Variants in ZNF654 observed in about 807,000 individuals in gnomAD.
The protein encoded by ZNF654 is melanoma-associated antigen.
In ZNF654, 19 loss-of-function variants were observed where a neutral mutation model predicts 95.3. The observed-to-expected ratio is 0.20, with a 90% CI of 0.14 to 0.29. ZNF654 has a LOEUF of 0.29. Among genes scored for constraint, ZNF654 ranks in the 10% least tolerant of loss-of-function variants. The probability of loss-of-function intolerance (pLI) is 1.00; values close to 1 mark genes in which losing one functional copy is unlikely to be tolerated. For synonymous variants in ZNF654, 413 were observed against 457.9 expected, an observed-to-expected ratio of 0.90 and a Z score of 1.25; for missense variants, 1,046 against 1,341.0, an observed-to-expected ratio of 0.78 and a Z score of 3.44.
At chr3:88,118,155 A>G (rs1018446668) in intron 3 of ZNF654, among the ~76,000 whole-genome samples, 8 of 152,276 alleles carry the variant, frequency 5.3e-5, no homozygotes, top group African/African-American at 1.4e-4. Context: ...AGAAAAGTCT[A>G]TCCTTATCCG....
At chr3:88,070,736 C>G (rs961462295) in intron 1 of ZNF654, among the ~76,000 whole-genome samples, 1 of 152,080 alleles carries the variant, frequency 6.6e-6, no homozygotes, top group African/African-American at 2.4e-5. Context: ...ATGTCAGTTC[C>G]TGTCCTAGAT....
chr3:88,086,480 A>T, intron 2 of ZNF654, 78 bp downstream of exon 2: 1 of 1,214,578 alleles, frequency 8.2e-7, no homozygotes, highest in Non-Finnish European at 1.1e-6. Flanking sequence ...ATTTCTTCTG[A>T]AGAAGAAACC....
At position 88,142,999 on chromosome 3, in the gene ZNF654, CA is replaced by C. The variant is rs1707201792; in HGVS notation, c.*1348del. On this transcript the variant is annotated 3_prime_UTR_variant, in exon 9 of 9. Transcript: ENST00000636215. Reference sequence around the variant, plus strand: ...TTACTAATAGTGTGTAAATCTAAAACAGGGATTAAAATAACAAAAAGGCAGT... The same window carrying C: ...TTACTAATAGTGTGTAAATCTAAAACGGGATTAAAATAACAAAAAGGCAGT... 6.6e-6 allele frequency: 1 copy of C among 152,176 alleles called. No individual in the cohort carries two copies. Among genetic ancestry groups the C allele is most frequent in the Admixed American group, 6.6e-5 (1 of 15,226 alleles). 9.4% of individuals were successfully genotyped at this position (152,176 alleles called of 1,614,324 possible). A position where few individuals can be genotyped will look rare whatever the true frequency, so the allele number is the denominator to read the frequency against.
At chr3:88,093,691 G>T (rs1703881723) in intron 2 of ZNF654, among the ~76,000 whole-genome samples, 1 of 152,162 alleles carries the variant, frequency 6.6e-6, no homozygotes, top group African/African-American at 2.4e-5. Flanking sequence ...TTGCTAAATT[G>T]TACTGTATTT....
rs145313788 is a variant in ZNF654, at chr3:88,121,033, A to G, written c.415-5101A>G. 6.6e-5 allele frequency among the ~76,000 whole-genome samples: 10 copies of G among 152,264 alleles called. No homozygotes were observed. In the East Asian group the frequency reaches 1.9e-3, roughly 29 times the overall value. On this transcript the variant is annotated intron_variant, in intron 3 of 8. Transcript: ENST00000636215. ...GGGTTGATAGGTGCAGAAAACCACCATGGTACGTGTATACCTATGTAACAA... is the reference window on the plus strand; with the variant it reads ...GGGTTGATAGGTGCAGAAAACCACCGTGGTACGTGTATACCTATGTAACAA...
chr3:88,063,284 C>G (rs1706991354), intron 1 of ZNF654, among the ~76,000 whole-genome samples: 1 of 152,056 alleles, frequency 6.6e-6, no homozygotes, highest in South Asian at 2.1e-4. Context: ...CTTTGGGACT[C>G]TTAGTGGGTA....
intron 5 of ZNF654, 76 bp from the exon 6 acceptor site, chr3:88,129,611 A>G: frequency 8.8e-7 from 1 of 1,130,326 alleles, no homozygotes; most frequent in Non-Finnish European, 1.2e-6. Flanking sequence ...TTTCTCTTGA[A>G]TGTTTAAACA....
In ZNF654 at chr3:88,139,264, C is replaced by G. The variant is rs765796630; in HGVS notation, c.1595C>G (p.Ala532Gly). The G allele has an allele frequency of 2.6e-6, 4 of 1,538,974 alleles. No individual in the cohort carries two copies. Among genetic ancestry groups the G allele is most frequent in the Non-Finnish European group, 3.5e-6 (4 of 1,149,720 alleles). The change falls in exon 8 of 9, where the codon GCT (alanine) becomes GGT (glycine). Residue 532 changes from alanine (A) to glycine (G), a missense_variant. Physicochemically the swap from Ala to Gly is moderately conservative, Grantham distance 60. Transcript: ENST00000636215. The part of the protein sequence containing the change: ...GHINTKKNLT[A>G]LSTSKVDHNV... Reference sequence around the variant, plus strand: ...ATTAATACGAAGAAAAATCTTACAGCTCTCAGTACTTCCAAAGTAGATCAC... The same window carrying G: ...ATTAATACGAAGAAAAATCTTACAGGTCTCAGTACTTCCAAAGTAGATCAC...
At chr3:88,126,796 G>T (rs943705819) in intron 4 of ZNF654, among the ~76,000 whole-genome samples, 2 of 152,124 alleles carry the variant, frequency 1.3e-5, no homozygotes, top group South Asian at 4.2e-4. Flanking sequence ...CATGATGAAT[G>T]TGTGAGTGAA....
chr3:88,141,526 C>G, intron 8 of ZNF654, 119 bp from the exon 9 acceptor site: 1 of 629,734 alleles, frequency 1.6e-6, no homozygotes, highest in Non-Finnish European at 2.4e-6. Flanking sequence ...AAGAGCTTGT[C>G]TGTCTACTAA....
chr3:88,124,772 G>GT (rs11287888), intron 3 of ZNF654, among the ~76,000 whole-genome samples: 43 of 147,138 alleles, frequency 2.9e-4, no homozygotes, highest in Middle Eastern at 3.5e-3. Context: ...ACAATACTCA[G>GT]TTTTTTTTTT....
At chr3:88,099,701 C>T (rs1452449813) in intron 2 of ZNF654, among the ~76,000 whole-genome samples, 5 of 152,090 alleles carry the variant, frequency 3.3e-5, no homozygotes, top group Non-Finnish European at 7.4e-5. Flanking sequence ...TTTGACAATC[C>T]TGACAAAAAC....
At chr3:88,119,468 C>T (rs1204285332) in intron 3 of ZNF654, among the ~76,000 whole-genome samples, 9 of 147,356 alleles carry the variant, frequency 6.1e-5, no homozygotes, top group Non-Finnish European at 1.2e-4. Context: ...GGTGTGCGCA[C>T]CAGCATGGCA....
intron 2 of ZNF654, among the ~76,000 whole-genome samples, chr3:88,099,084 C>A (rs918189947): frequency 1.3e-5 from 2 of 152,142 alleles, no homozygotes; most frequent in African/African-American, 2.4e-5. Flanking sequence ...ATTTAGAAAA[C>A]CCCATTGTCT....
intron 1 of ZNF654, among the ~76,000 whole-genome samples, chr3:88,080,439 C>T (rs186365408): frequency 1.3e-5 from 2 of 152,108 alleles, no homozygotes; most frequent in African/African-American, 4.8e-5. Context: ...CAGGAATTAT[C>T]CTATATTTTA....
chr3:88,124,503 A>G (rs1705964368), intron 3 of ZNF654, among the ~76,000 whole-genome samples: 1 of 152,216 alleles, frequency 6.6e-6, no homozygotes, highest in African/African-American at 2.4e-5. Context: ...TGTATATTTT[A>G]ACCAGGAATG....
chr3:88,140,277 T>A lies in ZNF654; in HGVS notation c.2608T>A (p.Leu870Ile), dbSNP rs1707039667. The change falls in exon 8 of 9, where the codon TTA (leucine) becomes ATA (isoleucine). Residue 870 changes from leucine (L) to isoleucine (I), a missense_variant. Physicochemically the swap from Leu to Ile is conservative, Grantham distance 5 (BLOSUM62 2). Coordinates refer to ENST00000636215, the MANE Select transcript of ZNF654 (RefSeq NM_001350134.2). Reference protein sequence around the residue: ...LLYEHEAQHYLSKTPESSAQP... With the variant: ...LLYEHEAQHYISKTPESSAQP... ...GTATGAACATGAAGCTCAACACTAT[T>A]TAAGTAAAACACCAGAGTCATCTGC... 6.2e-7 allele frequency: 1 copy of A among 1,613,724 alleles called. No individual in the cohort carries two copies. The highest frequency in any genetic ancestry group is 8.5e-7 in the Non-Finnish European group (1 of 1,179,770).
intron 1 of ZNF654, among the ~76,000 whole-genome samples, chr3:88,077,477 C>T (rs1219736998): frequency 1.3e-5 from 2 of 150,118 alleles, no homozygotes; most frequent in African/African-American, 2.4e-5. Context: ...GGACTACAGA[C>T]GCCTGCCACC....
At chr3:88,124,211 A>G (rs1705948258) in intron 3 of ZNF654, among the ~76,000 whole-genome samples, 1 of 152,166 alleles carries the variant, frequency 6.6e-6, no homozygotes, top group Admixed American at 6.5e-5. Flanking sequence ...AGTACTGTAT[A>G]TTATTACTTC....
Sources: allele counts gnomAD v4.1 joint callset (sites outside exome capture counted in the v4.1 genomes callset), GRCh38; gene constraint gnomAD v4.1.1; transcripts MANE v1.5; gene names NCBI Gene and HGNC (gene_info 2026-07-23, HGNC 2026-07-21).